The following BCORL1 variants were observed in gnomAD, a reference collection of about 807,000 sequenced individuals.
The protein encoded by BCORL1 is BCL6 corepressor like 1.
Under a neutral mutation model 87.6 loss-of-function variants are expected in BCORL1, and 7 were observed. That is an observed-to-expected ratio of 0.08 (90% CI 0.05 to 0.15). The LOEUF (loss-of-function observed/expected upper bound fraction) is 0.15. Ranked by LOEUF, BCORL1 falls within the 10% of genes least tolerant of loss-of-function variation. BCORL1 has a pLI of 1.00. For missense variants in BCORL1, 1,215 were observed against 1,499.7 expected (o/e 0.81, Z 3.13); for synonymous variants, 591 against 634.4 (o/e 0.93, Z 1.03).
chrX:130,007,616 C>T (rs896454996), intron 2 of BCORL1, among the ~76,000 whole-genome samples: 2 of 111,436 alleles, frequency 1.8e-5, no homozygotes, highest in Non-Finnish European at 3.8e-5. Flanking sequence ...GCCAACATGG[C>T]GAAACCCCGT....
chrX:130,025,696 G>T (rs1032814630), intron 7 of BCORL1, among the ~76,000 whole-genome samples: 5 of 111,083 alleles, frequency 4.5e-5, no homozygotes, highest in Non-Finnish European at 9.4e-5. Flanking sequence ...GAGTTCTCTG[G>T]TTGGCTTGAG....
At chrX:130,034,332 G>A in intron 8 of BCORL1, 123 bp from the exon 9 acceptor site, 1 of 481,007 alleles carries the variant, frequency 2.1e-6, no homozygotes, top group East Asian at 9.3e-5. Context: ...GGTAGTGTAA[G>A]CAAAGTACAG....
intron 8 of BCORL1, among the ~76,000 whole-genome samples, chrX:130,032,422 C>T (rs1930667684): frequency 8.9e-6 from 1 of 112,281 alleles, no homozygotes; most frequent in Non-Finnish European, 1.9e-5. Context: ...GCTTTCCCCA[C>T]GAGTGATCCA....
chrX:129,984,625 G>C (rs1926452483), intron 1 of BCORL1, among the ~76,000 whole-genome samples: 1 of 111,083 alleles, frequency 9.0e-6, no homozygotes, highest in Non-Finnish European at 1.9e-5. Flanking sequence ...AGGGACGTCC[G>C]GGGCAAGGCT....
chrX:129,981,951 A>G (rs1603047776), upstream of BCORL1, among the ~76,000 whole-genome samples: 4 of 86,631 alleles, frequency 4.6e-5, no homozygotes, highest in Non-Finnish European at 6.8e-5. Context: ...AAGAAGGGGG[A>G]GTCACGCCCT....
chrX:130,007,680 C>T (rs1024108481), intron 2 of BCORL1, among the ~76,000 whole-genome samples: 2 of 112,312 alleles, frequency 1.8e-5, no homozygotes, highest in Non-Finnish European at 3.8e-5. Flanking sequence ...TGCCTGTAAT[C>T]CCAGCTACTG....
intron 11 of BCORL1, among the ~76,000 whole-genome samples, chrX:130,041,270 C>G (rs1385172883): frequency 1.4e-5 from 1 of 73,989 alleles, no homozygotes; most frequent in Non-Finnish European, 2.3e-5. Context: ...CAGAGTGAGA[C>G]AGTGTCTCAA....
At chrX:129,981,724 C>T (rs1926106994), upstream of BCORL1, 1 of 107,096 alleles carries the variant, frequency 9.3e-6, no homozygotes. Flanking sequence ...GCCACCAGTC[C>T]AACTCGGGTC....
intron 4 of BCORL1, among the ~76,000 whole-genome samples, chrX:130,018,651 C>T (rs897620205): frequency 7.1e-5 from 8 of 111,910 alleles, no homozygotes; most frequent in African/African-American, 2.6e-4. Context: ...GCTTATGTCT[C>T]TCAGATGACT....
In BCORL1 at chrX:129,989,444, CTTTTTTTTTTTTTTTTT is replaced by C. The variant is rs55654985; in HGVS notation, c.-45+6703_-45+6719del. ...TACAGGCGTGAGCCACCGCACCCGT[CTTTTTTTTTTTTTTTTT>C]TTTTTTTTTTTTTTTTTTTTAACCG... On this transcript the variant is annotated intron_variant, in intron 1 of 13. Coordinates refer to ENST00000540052, the MANE Select transcript of BCORL1 (RefSeq NM_001379451.1). Among the ~76,000 whole-genome samples the C allele has an allele frequency of 5.5e-3, 98 of 17,777 alleles. 1 individual carries two copies. Among genetic ancestry groups the C allele is most frequent in the African/African-American group, 0.02 (78 of 3,913 alleles). The allele number at this position is 17,777 out of a possible 115,157, so 15.4% of individuals were successfully genotyped here. A position where few individuals can be genotyped will look rare whatever the true frequency, so the allele number is the denominator to read the frequency against.
chrX:129,999,377 C>T (rs5932711), intron 1 of BCORL1, among the ~76,000 whole-genome samples: 6,770 of 90,205 alleles, frequency 0.075, 313 homozygotes, highest in Non-Finnish European at 0.11. Flanking sequence ...GGCGCCATCT[C>T]GGCTCACTGC....
intron 8 of BCORL1, among the ~76,000 whole-genome samples, chrX:130,031,774 ACT>A (rs901245042): frequency 2.7e-5 from 3 of 111,066 alleles, no homozygotes; most frequent in Non-Finnish European, 5.7e-5. Flanking sequence ...CCAGAGCGAG[ACT>A]CTGTCTCAAA....
intron 5 of BCORL1, 106 bp downstream of exon 5, chrX:130,021,256 G>C: frequency 9.2e-7 from 1 of 1,092,435 alleles, no homozygotes; most frequent in South Asian, 2.4e-5. Context: ...CTCTGGAAAA[G>C]TGAGACTTCT....
At chrX:130,008,413 G>A (rs1028770363) in intron 2 of BCORL1, among the ~76,000 whole-genome samples, 1 of 110,538 alleles carries the variant, frequency 9.0e-6, no homozygotes, top group Non-Finnish European at 1.9e-5. Context: ...ACAGGCATGC[G>A]CCACCACACC....
At chrX:130,020,909 A>G (rs1929749195) in intron 4 of BCORL1, 76 bp from the exon 5 acceptor site, 11 of 1,050,602 alleles carry the variant, frequency 1.0e-5, no homozygotes, top group Admixed American at 4.0e-5. Context: ...CAGAAACGGG[A>G]CACATGGCTC....
upstream of BCORL1, chrX:129,981,734 C>G (rs1048779686): frequency 1.9e-5 from 2 of 107,043 alleles, no homozygotes; most frequent in African/African-American, 6.9e-5. Flanking sequence ...CAACTCGGGT[C>G]GCCCCCACCA....
At chrX:130,041,058 A>G (rs1603162179) in intron 11 of BCORL1, among the ~76,000 whole-genome samples, 2 of 110,548 alleles carry the variant, frequency 1.8e-5, no homozygotes, top group South Asian at 7.7e-4. Flanking sequence ...GAATGTGGAA[A>G]CCATTTTAAG....
At chrX:130,022,420 G>A (rs1294963382) in intron 5 of BCORL1, among the ~76,000 whole-genome samples, 1 of 107,389 alleles carries the variant, frequency 9.3e-6, no homozygotes, top group African/African-American at 3.4e-5. Flanking sequence ...GCGAATTTTT[G>A]TATTTTTAGT....
chrX:130,025,354 C>T lies in BCORL1; in HGVS notation c.4053C>T (p.Asp1351=), dbSNP rs113981000. Residue 1351 remains aspartate (D), a synonymous_variant, in exon 7 of 14, where the codon GAC becomes GAT. Coordinates refer to ENST00000540052, the MANE Select transcript of BCORL1 (RefSeq NM_001379451.1). Reference sequence around the variant, plus strand: ...GGGAGTACCTGACAGAGCAAGAAGACGAGCAGCGGCGGAAAGGGAGAGCAG... The same window carrying T: ...GGGAGTACCTGACAGAGCAAGAAGATGAGCAGCGGCGGAAAGGGAGAGCAG... ...QTGEYLTEQE[D]EQRRKGRADL... 136 of 1,149,963 alleles carry T rather than the reference C, an allele frequency of 1.2e-4. No individual in the cohort carries two copies. In the South Asian group the frequency reaches 1.3e-3, roughly 11 times the overall value. 94.8% of individuals were successfully genotyped at this position (1,149,963 alleles called of 1,213,427 possible).
Sources: allele counts gnomAD v4.1 joint callset (sites outside exome capture counted in the v4.1 genomes callset), GRCh38; gene constraint gnomAD v4.1.1; transcripts MANE v1.5; gene names NCBI Gene and HGNC (gene_info 2026-07-23, HGNC 2026-07-21).